BDNF: variants seen among roughly 807,000 people sequenced by gnomAD.
BDNF encodes the protein brain derived neurotrophic factor.
A neutral mutation model predicts 19.5 loss-of-function variants in BDNF; 1 was observed. The ratio of observed to expected loss-of-function variants is 0.05; its 90% CI spans 0.02 to 0.24. BDNF has a LOEUF of 0.24. BDNF is among the 10% of genes least tolerant of loss of function. The probability of loss-of-function intolerance (pLI) is 1.00; values close to 1 mark genes in which losing one functional copy is unlikely to be tolerated. For synonymous variants in BDNF, 100 were observed against 121.6 expected, an observed-to-expected ratio of 0.82 and a Z score of 1.17; for missense variants, 195 against 317.6, an observed-to-expected ratio of 0.61 and a Z score of 2.93.
At chr11:27,709,078 C>T (rs932341689) in intron 1 of BDNF, among the ~76,000 whole-genome samples, 5 of 152,138 alleles carry the variant, frequency 3.3e-5, no homozygotes, top group Admixed American at 6.5e-5. Flanking sequence ...ATCCACCCGC[C>T]TCAGCCTCCC....
At chr11:27,678,928 C>T (rs1299980633) in intron 1 of BDNF, among the ~76,000 whole-genome samples, 1 of 152,174 alleles carries the variant, frequency 6.6e-6, no homozygotes, top group African/African-American at 2.4e-5. Flanking sequence ...CAAGACTTCC[C>T]TTCCTCACCC....
At chr11:27,686,043 G>T (rs1049613024) in intron 1 of BDNF, among the ~76,000 whole-genome samples, 6 of 152,082 alleles carry the variant, frequency 3.9e-5, no homozygotes, top group African/African-American at 7.2e-5. Flanking sequence ...TCTCTTTGTG[G>T]GTCTCTAAGA....
chr11:27,711,097 T>C (rs1413888118), intron 1 of BDNF, among the ~76,000 whole-genome samples: 1 of 152,220 alleles, frequency 6.6e-6, no homozygotes, highest in African/African-American at 2.4e-5. Flanking sequence ...GCTTTGACAT[T>C]AGACAGACCT....
At chr11:27,683,331 A>G (rs1471085682) in intron 1 of BDNF, among the ~76,000 whole-genome samples, 1 of 152,156 alleles carries the variant, frequency 6.6e-6, no homozygotes, top group African/African-American at 2.4e-5. Context: ...GATACGTTGC[A>G]AAAAATTTCA....
At chr11:27,703,944 G>A (rs748504390), upstream of BDNF, among the ~76,000 whole-genome samples, 10 of 152,106 alleles carry the variant, frequency 6.6e-5, no homozygotes, top group Non-Finnish European at 1.3e-4. Flanking sequence ...TTGTACCAGT[G>A]CCTTGCATGG....
intron 1 of BDNF, chr11:27,699,275 G>A: frequency 6.7e-7 from 1 of 1,493,952 alleles, no homozygotes; most frequent in Non-Finnish European, 9.3e-7. Flanking sequence ...CAGCCCCGAG[G>A]CTTCTTCCTT....
chr11:27,682,797 CCAGT>C (rs971579728), intron 1 of BDNF, among the ~76,000 whole-genome samples: 1 of 151,922 alleles, frequency 6.6e-6, no homozygotes, highest in African/African-American at 2.4e-5. Flanking sequence ...TTTTCTTTAT[CCAGT>C]CTATCATTGA....
intron 1 of BDNF, among the ~76,000 whole-genome samples, chr11:27,685,870 A>G (rs1322332749): frequency 1.3e-4 from 17 of 134,404 alleles, no homozygotes; most frequent in Non-Finnish European, 9.8e-5. Context: ...AAGAATGTAT[A>G]TTCTGTTGAT....
chr11:27,708,397 A>G (rs1860194704), intron 1 of BDNF, among the ~76,000 whole-genome samples: 2 of 152,258 alleles, frequency 1.3e-5, no homozygotes, highest in Non-Finnish European at 2.9e-5. Context: ...GTTGAATTCC[A>G]TAAAGAAGAA....
intron 1 of BDNF, among the ~76,000 whole-genome samples, chr11:27,697,313 A>G (rs1159775626): frequency 6.6e-6 from 1 of 152,256 alleles, no homozygotes; most frequent in Non-Finnish European, 1.5e-5. Flanking sequence ...TGCTATTCAT[A>G]TAAGAAATGA....
chr11:27,677,330 G>A lies in BDNF; in HGVS notation c.-21-18745C>T, dbSNP rs958522869. On this transcript the variant is annotated intron_variant, in intron 1 of 1. Transcript: ENST00000356660. ...TGCTGACCCAGCAATTCCACTTCTG[G>A]GAATAATTGACAGATATAGGTGCAT... is the stretch of plus-strand genomic sequence containing the variant. 6 of 152,124 alleles carry A rather than the reference G, an allele frequency of 3.9e-5. 1 individual carries two copies. Among genetic ancestry groups the A allele is most frequent in the African/African-American group, 1.4e-4 (6 of 41,414 alleles). The allele number at this position is 152,124 out of a possible 1,614,324, so 9.4% of individuals were successfully genotyped here.
intron 1 of BDNF, chr11:27,675,042 A>G (rs1016075544): frequency 4.7e-6 from 2 of 421,810 alleles, no homozygotes; most frequent in Non-Finnish European, 3.2e-6. Flanking sequence ...CATACCCATT[A>G]TGTGGTGGAG....
chr11:27,684,557 A>G (rs958551558), intron 1 of BDNF, among the ~76,000 whole-genome samples: 2 of 152,148 alleles, frequency 1.3e-5, no homozygotes, highest in Non-Finnish European at 2.9e-5. Context: ...AGCTCTTATT[A>G]TTTTGAGATA....
chr11:27,702,918 A>T (rs1166098464), upstream of BDNF, among the ~76,000 whole-genome samples: 1 of 152,192 alleles, frequency 6.6e-6, no homozygotes, highest in Non-Finnish European at 1.5e-5. Context: ...AAGTGAAGCT[A>T]TCTGTTCCTT....
chr11:27,697,204 G>T, intron 1 of BDNF, among the ~76,000 whole-genome samples: 1 of 147,676 alleles, frequency 6.8e-6, no homozygotes, highest in Admixed American at 6.8e-5. Context: ...GAGCACCCCA[G>T]GTTTTAGAAG....
chr11:27,688,405 C>G (rs763622819), intron 1 of BDNF, among the ~76,000 whole-genome samples: 3 of 152,164 alleles, frequency 2.0e-5, no homozygotes, highest in Non-Finnish European at 4.4e-5. Context: ...AGCCCCTTTC[C>G]GGGGGAGTGA....
intron 1 of BDNF, among the ~76,000 whole-genome samples, chr11:27,695,047 A>G (rs1292622992): frequency 1.3e-5 from 2 of 152,176 alleles, no homozygotes; most frequent in East Asian, 3.9e-4. Flanking sequence ...TTAAAATTTC[A>G]TCTGTAATTC....
chr11:27,675,853 A>C (rs1856027894), intron 1 of BDNF: 1 of 152,252 alleles, frequency 6.6e-6, no homozygotes, highest in Admixed American at 6.6e-5. Flanking sequence ...AAACAGCCAA[A>C]GGAAGGAGGG....
At chr11:27,719,901 C>T (rs1860684315) in intron 1 of BDNF, among the ~76,000 whole-genome samples, 1 of 151,928 alleles carries the variant, frequency 6.6e-6, no homozygotes, top group South Asian at 2.1e-4. Context: ...CCAACCTCCA[C>T]CTCCTCTCCC....
Sources: gnomAD v4.1 joint callset for allele counts (sites outside exome capture counted in the v4.1 genomes callset) on GRCh38, gnomAD v4.1.1 for gene constraint, MANE v1.5 for transcripts, NCBI Gene and HGNC (gene_info 2026-07-23, HGNC 2026-07-21) for gene names.